The following FBXO34 variants were observed in gnomAD, a reference collection of about 807,000 sequenced individuals.
The protein encoded by FBXO34 is F-box only protein 34.
FBXO34 carries 12 observed loss-of-function variants against 24.5 expected under a neutral mutation model. The ratio of observed to expected loss-of-function variants is 0.49; its 90% CI spans 0.31 to 0.79. FBXO34 has a LOEUF of 0.79. Ranked by LOEUF, FBXO34 falls within the 30% of genes least tolerant of loss-of-function variation. The pLI is 0.04. For missense variants in FBXO34, 823 were observed against 857.7 expected, an observed-to-expected ratio of 0.96 and a Z score of 0.51; for synonymous variants, 320 against 311.9, an observed-to-expected ratio of 1.03 and a Z score of -0.27.
rs1884414127 is a variant in FBXO34, at chr14:55,352,248, C to T, written c.1858C>T (p.Arg620Cys). ...CTACAATATCAGGCCAGCAGATTCTCGCTGGGTTCGAGATCCACGCTATAG... is the reference window on the plus strand; with the variant it reads ...CTACAATATCAGGCCAGCAGATTCTTGCTGGGTTCGAGATCCACGCTATAG... ...EYYNIRPADS[R>C]WVRDPRYRED... Residue 620 changes from arginine (R) to cysteine (C), a missense_variant, in exon 2 of 2, where the codon CGC becomes TGC. Arg to Cys is a radical substitution (Grantham distance 180). Transcript: ENST00000313833. 4 of 1,613,872 alleles carry T rather than the reference C, an allele frequency of 2.5e-6. No homozygotes were observed. The highest frequency in any genetic ancestry group is 1.7e-5 in the Admixed American group (1 of 60,002).
chr14:55,370,485 T>G (rs1884789263), downstream of FBXO34, among the ~76,000 whole-genome samples: 1 of 152,198 alleles, frequency 6.6e-6, no homozygotes, highest in South Asian at 2.1e-4. Flanking sequence ...GTTGTATATT[T>G]CTGCACTGTA....
At chr14:55,430,304 T>C in the FBXO34 span, among the ~76,000 whole-genome samples, 1 of 151,654 alleles carries the variant, frequency 6.6e-6, no homozygotes, top group Non-Finnish European at 1.5e-5. Flanking sequence ...TTTGATTCTC[T>C]TATCCAGATC....
chr14:55,290,448 AC>A (rs1881909040), intron 1 of FBXO34, among the ~76,000 whole-genome samples: 1 of 152,120 alleles, frequency 6.6e-6, no homozygotes, highest in Non-Finnish European at 1.5e-5. Context: ...CATAATGGAT[AC>A]AGTAACATAC....
the FBXO34 span, among the ~76,000 whole-genome samples, chr14:55,400,317 T>C: frequency 6.6e-6 from 1 of 152,366 alleles, no homozygotes; most frequent in Admixed American, 6.5e-5. Flanking sequence ...ATTATATATA[T>C]AGTTTTTAAA....
At chr14:55,286,198 T>G (rs1881754947) in intron 1 of FBXO34, among the ~76,000 whole-genome samples, 1 of 152,232 alleles carries the variant, frequency 6.6e-6, no homozygotes, top group African/African-American at 2.4e-5. Flanking sequence ...CTTTCTACTT[T>G]TAAAGGATGT....
intron 1 of FBXO34, among the ~76,000 whole-genome samples, chr14:55,310,550 C>T (rs1882700174): frequency 2.0e-5 from 3 of 152,160 alleles, no homozygotes; most frequent in Non-Finnish European, 4.4e-5. Context: ...ACTATGCCTT[C>T]AGGTATGTCT....
At chr14:55,308,739 C>T (rs1385079502) in intron 1 of FBXO34, among the ~76,000 whole-genome samples, 1 of 152,188 alleles carries the variant, frequency 6.6e-6, no homozygotes, top group Non-Finnish European at 1.5e-5. Context: ...ATTCCCTCAT[C>T]TTTAAAATGA....
At position 55,348,343 on chromosome 14, in the gene FBXO34, C is replaced by G. The variant is rs576667626; in HGVS notation, c.-10-2038C>G. Among the ~76,000 whole-genome samples the G allele has an allele frequency of 5.5e-3, 835 of 152,138 alleles. 4 individuals are homozygous for G. Among genetic ancestry groups the G allele is most frequent in the Middle Eastern group, 0.017 (5 of 294 alleles). ...TCTTGGGCTCAATAGATCCTTCTGC[C>G]TCAACCACCCCATTAGCTGAGACTA... On this transcript the variant is annotated intron_variant, in intron 1 of 1. Transcript: ENST00000313833.
downstream of FBXO34, among the ~76,000 whole-genome samples, chr14:55,373,952 A>G (rs1884871063): frequency 6.6e-6 from 1 of 152,200 alleles, no homozygotes. Flanking sequence ...GGACTCCTGA[A>G]GTTCTACTTC....
At chr14:55,356,220 A>G (rs1013189169), downstream of FBXO34, among the ~76,000 whole-genome samples, 3 of 152,130 alleles carry the variant, frequency 2.0e-5, no homozygotes, top group East Asian at 1.9e-4. Flanking sequence ...GGTATTTTCC[A>G]TAGCTCCGTT....
the FBXO34 span, among the ~76,000 whole-genome samples, chr14:55,394,389 T>C: frequency 6.6e-6 from 1 of 152,254 alleles, no homozygotes; most frequent in Non-Finnish European, 1.5e-5. Context: ...ATTCTTAATA[T>C]ACATACCCAA....
chr14:55,430,125 G>T, the FBXO34 span, among the ~76,000 whole-genome samples: 1 of 152,038 alleles, frequency 6.6e-6, no homozygotes, highest in Non-Finnish European at 1.5e-5. Context: ...TTCTCCTTAG[G>T]TATTTTTCAA....
Position 55,350,605 on chromosome 14 carries a change from G to A in FBXO34, c.215G>A (p.Ser72Asn), listed in dbSNP as rs889974786. 1.9e-6 allele frequency: 3 copies of A among 1,612,874 alleles called. No homozygotes were observed. Among genetic ancestry groups the A allele is most frequent in the Middle Eastern group, 1.7e-4 (1 of 6,038 alleles). ...FGILSPNVLC[S>N]MSGKSPVESS... The stretch of plus-strand genomic sequence containing the variant: ...ATCCTTTCTCCAAATGTTCTGTGCA[G>A]TATGAGTGGGAAGAGTCCTGTAGAG... The change falls in exon 2 of 2, where the codon AGT (serine) becomes AAT (asparagine). Residue 72 changes from serine (S) to asparagine (N), a missense_variant. Coordinates refer to ENST00000313833, the MANE Select transcript of FBXO34 (RefSeq NM_017943.4).
the FBXO34 span, chr14:55,377,891 T>G: frequency 5.0e-6 from 8 of 1,605,846 alleles, no homozygotes; most frequent in Non-Finnish European, 5.9e-6. Context: ...TTGTAATTGA[T>G]CTAAATTTAC....
the FBXO34 span, chr14:55,433,659 A>G: frequency 1.2e-6 from 2 of 1,614,022 alleles, no homozygotes; most frequent in Non-Finnish European, 1.7e-6. Flanking sequence ...CCATCTTCCC[A>G]GAGCTAAATA....
chr14:55,380,384 G>A, the FBXO34 span, among the ~76,000 whole-genome samples: 1 of 152,054 alleles, frequency 6.6e-6, no homozygotes, highest in African/African-American at 2.4e-5. Flanking sequence ...AAGACTTCAC[G>A]TACAACTGTA....
chr14:55,283,740 C>G (rs1040306120), intron 1 of FBXO34, among the ~76,000 whole-genome samples: 2 of 152,028 alleles, frequency 1.3e-5, no homozygotes, highest in South Asian at 2.1e-4. Context: ...ATTACAGGCA[C>G]GTGAGCCACC....
chr14:55,418,399 CAA>C, the FBXO34 span, among the ~76,000 whole-genome samples: 1 of 152,228 alleles, frequency 6.6e-6, no homozygotes, highest in Non-Finnish European at 1.5e-5. Flanking sequence ...GTTCTTACAT[CAA>C]GTCATAACTG....
At chr14:55,429,558 G>C in the FBXO34 span, among the ~76,000 whole-genome samples, 1 of 152,152 alleles carries the variant, frequency 6.6e-6, no homozygotes, top group Non-Finnish European at 1.5e-5. Context: ...GAGGACAGTA[G>C]CTCGAGACCG....
Sources: gnomAD v4.1 joint callset for allele counts (sites outside exome capture counted in the v4.1 genomes callset) on GRCh38, gnomAD v4.1.1 for gene constraint, MANE v1.5 for transcripts, NCBI Gene and HGNC (gene_info 2026-07-23, HGNC 2026-07-21) for gene names.